ERBB4: variants seen among roughly 807,000 people sequenced by gnomAD.
The protein encoded by ERBB4 is erb-b2 receptor tyrosine kinase 4.
In ERBB4, 42 loss-of-function variants were observed where a neutral mutation model predicts 158.0. The ratio of observed to expected loss-of-function variants is 0.27; its 90% CI spans 0.21 to 0.34. The LOEUF is 0.34. Among genes scored for constraint, ERBB4 ranks in the 10% least tolerant of loss-of-function variants. The pLI is 1.00. For missense variants in ERBB4, 1,333 were observed against 1,624.1 expected, an observed-to-expected ratio of 0.82 and a Z score of 3.08; for synonymous variants, 583 against 558.7, an observed-to-expected ratio of 1.04 and a Z score of -0.61.
intron 7 of ERBB4, among the ~76,000 whole-genome samples, chr2:211,719,448 A>C (rs2106112111): frequency 1.3e-5 from 1 of 76,396 alleles, no homozygotes; most frequent in African/African-American, 4.2e-5. Context: ...CTGTGTCTTT[A>C]GTACTGTGTT....
At chr2:212,416,066 A>G (rs2091642877) in intron 1 of ERBB4, among the ~76,000 whole-genome samples, 1 of 152,154 alleles carries the variant, frequency 6.6e-6, no homozygotes, top group Non-Finnish European at 1.5e-5. Context: ...CCACAAAGCT[A>G]GCCATGAATG....
intron 2 of ERBB4, among the ~76,000 whole-genome samples, chr2:212,010,562 C>T (rs114466204): frequency 0.027 from 4,172 of 152,100 alleles, 187 homozygotes; most frequent in African/African-American, 0.096. Flanking sequence ...ATTACTGATA[C>T]GGGTCCAACA....
chr2:211,782,604 C>T (rs931475331), intron 4 of ERBB4, among the ~76,000 whole-genome samples: 1 of 152,098 alleles, frequency 6.6e-6, no homozygotes, highest in African/African-American at 2.4e-5. Context: ...TATACAAGAA[C>T]ATTAATATGG....
intron 2 of ERBB4, among the ~76,000 whole-genome samples, chr2:212,109,679 G>A (rs555167832): frequency 1.3e-5 from 2 of 152,248 alleles, no homozygotes; most frequent in Admixed American, 1.3e-4. Context: ...TATCCCTTTA[G>A]CAGCATTGAA....
At chr2:211,542,971 G>T (rs1257023934) in intron 20 of ERBB4, among the ~76,000 whole-genome samples, 1 of 151,926 alleles carries the variant, frequency 6.6e-6, no homozygotes, top group Non-Finnish European at 1.5e-5. Context: ...TATTTAGAGT[G>T]GTGAATTAGT....
intron 5 of ERBB4, among the ~76,000 whole-genome samples, chr2:211,735,549 G>A (rs147514126): frequency 2.8e-4 from 42 of 152,240 alleles, no homozygotes; most frequent in African/African-American, 1.0e-3. Flanking sequence ...TTACGTCTCT[G>A]AAAAACAGCT....
intron 2 of ERBB4, among the ~76,000 whole-genome samples, chr2:211,996,590 A>T (rs1046145481): frequency 6.6e-6 from 1 of 152,196 alleles, no homozygotes. Flanking sequence ...TACTTGCCCA[A>T]TTAAAAAAAT....
intron 19 of ERBB4, among the ~76,000 whole-genome samples, chr2:211,589,772 AT>A (rs1260246746): frequency 1.3e-5 from 2 of 152,192 alleles, no homozygotes; most frequent in East Asian, 1.9e-4. Flanking sequence ...AAAAAAAACT[AT>A]TGTAAAAATG....
chr2:212,238,355 G>T (rs943167529), intron 1 of ERBB4, among the ~76,000 whole-genome samples: 7 of 152,132 alleles, frequency 4.6e-5, no homozygotes, highest in Admixed American at 1.3e-4. Context: ...ATACACTGCT[G>T]TGGTGAGGCA....
At chr2:212,127,603 A>C (rs1292477012) in intron 1 of ERBB4, among the ~76,000 whole-genome samples, 1 of 152,114 alleles carries the variant, frequency 6.6e-6, no homozygotes, top group Non-Finnish European at 1.5e-5. Flanking sequence ...TAAATAAATA[A>C]ATATTTAAAA....
At position 211,567,788 on chromosome 2, in the gene ERBB4, T is replaced by TG. The variant is rs537316184; in HGVS notation, c.2302-5701_2302-5700insC. Among the ~76,000 whole-genome samples, 969 of 116,934 alleles carry TG rather than the reference T, an allele frequency of 8.3e-3. 5 individuals carry two copies. The highest frequency in any genetic ancestry group is 8.8e-3 in the Non-Finnish European group (550 of 62,172). 76.7% of individuals were successfully genotyped at this position (116,934 alleles called of 152,430 possible). On this transcript the variant is annotated intron_variant, in intron 19 of 27. Coordinates refer to ENST00000342788, the MANE Select transcript of ERBB4 (RefSeq NM_005235.3). ...AACAAGACACTAATTGTAGCTTGCA[T>TG]TTTTTTTTTTTTTTCATAAAAGAAA...
chr2:212,101,132 C>T (rs940762873), intron 2 of ERBB4, among the ~76,000 whole-genome samples: 4 of 151,466 alleles, frequency 2.6e-5, no homozygotes, highest in Admixed American at 2.6e-4. Context: ...AACTTACACA[C>T]GGTTTTAAGT....
chr2:211,664,421 G>T (rs62185369), intron 15 of ERBB4, among the ~76,000 whole-genome samples: 1,912 of 152,180 alleles, frequency 0.013, 20 homozygotes, highest in African/African-American at 0.024. Context: ...ATTCACAATG[G>T]AGAAAAGGCT....
chr2:212,257,366 C>G (rs1250757447), intron 1 of ERBB4, among the ~76,000 whole-genome samples: 1 of 151,938 alleles, frequency 6.6e-6, no homozygotes, highest in Non-Finnish European at 1.5e-5. Context: ...TCACTTTTTC[C>G]TAATCAAGGC....
chr2:211,398,287 C>A (rs190653624), intron 25 of ERBB4, among the ~76,000 whole-genome samples: 5 of 152,260 alleles, frequency 3.3e-5, no homozygotes, highest in Admixed American at 2.0e-4. Context: ...CTCATGGCCA[C>A]TATTTCAGTT....
chr2:212,195,860 G>T (rs557949413), intron 1 of ERBB4, among the ~76,000 whole-genome samples: 3 of 152,050 alleles, frequency 2.0e-5, no homozygotes, highest in African/African-American at 4.8e-5. Flanking sequence ...GTTTCCTTTC[G>T]TTATAGAGTT....
chr2:212,291,182 T>C (rs1473340834), intron 1 of ERBB4, among the ~76,000 whole-genome samples: 1 of 152,102 alleles, frequency 6.6e-6, no homozygotes, highest in Admixed American at 6.6e-5. Context: ...ATATTTAACA[T>C]TGAAATAACT....
chr2:212,382,073 T>C (rs924947666), intron 1 of ERBB4, among the ~76,000 whole-genome samples: 1 of 150,788 alleles, frequency 6.6e-6, no homozygotes, highest in African/African-American at 2.4e-5. Context: ...CTAAATCAGA[T>C]TCTGCATTTC....
At chr2:212,258,958 G>C (rs2084837852) in intron 1 of ERBB4, among the ~76,000 whole-genome samples, 1 of 152,068 alleles carries the variant, frequency 6.6e-6, no homozygotes. Context: ...TAGGATAAAA[G>C]TGAAGTCTAC....
Sources: gnomAD v4.1 joint callset for allele counts (sites outside exome capture counted in the v4.1 genomes callset) on GRCh38, gnomAD v4.1.1 for gene constraint, MANE v1.5 for transcripts, NCBI Gene and HGNC (gene_info 2026-07-23, HGNC 2026-07-21) for gene names.